MTUS2: variants seen among roughly 807,000 people sequenced by gnomAD.
MTUS2 encodes microtubule associated scaffold protein 2.
In MTUS2, 40 loss-of-function variants were observed where a neutral mutation model predicts 114.1. The ratio of observed to expected loss-of-function variants is 0.35; its 90% CI spans 0.27 to 0.46. The LOEUF is 0.46. Among genes scored for constraint, MTUS2 ranks in the 20% least tolerant of loss-of-function variants. MTUS2 has a pLI of 1.00. For missense variants in MTUS2, 1,679 were observed against 1,705.4 expected, an observed-to-expected ratio of 0.98 and a Z score of 0.27; for synonymous variants, 688 against 672.0, an observed-to-expected ratio of 1.02 and a Z score of -0.37.
intron 5 of MTUS2, among the ~76,000 whole-genome samples, chr13:29,188,346 C>T (rs1894307368): frequency 6.6e-6 from 1 of 152,096 alleles, no homozygotes; most frequent in Non-Finnish European, 1.5e-5. Context: ...GGAAGATATA[C>T]ATCTTGGAGC....
intron 2 of MTUS2, among the ~76,000 whole-genome samples, chr13:28,989,510 G>A (rs957446918): frequency 2.0e-5 from 3 of 152,314 alleles, no homozygotes; most frequent in African/African-American, 4.8e-5. Flanking sequence ...GGAGGAGGTC[G>A]CAGGTTTGAA....
At chr13:29,475,857 GA>G (rs949841472) in intron 9 of MTUS2, among the ~76,000 whole-genome samples, 1 of 152,082 alleles carries the variant, frequency 6.6e-6, no homozygotes, top group African/African-American at 2.4e-5. Context: ...CTTGAGCACA[GA>G]AAAATTTTTT....
chr13:29,099,698 A>G (rs145981390), intron 4 of MTUS2, among the ~76,000 whole-genome samples: 2 of 152,356 alleles, frequency 1.3e-5, no homozygotes, highest in African/African-American at 2.4e-5. Flanking sequence ...ATAGGCACTC[A>G]TGGTAAATAT....
chr13:28,833,317 T>TA (rs1403135972), intron 1 of MTUS2, among the ~76,000 whole-genome samples: 2 of 151,870 alleles, frequency 1.3e-5, no homozygotes, highest in Non-Finnish European at 2.9e-5. Context: ...TGCAAGAAAA[T>TA]ACTACCAAAC....
At chr13:29,015,196 G>A (rs769088812) in intron 2 of MTUS2, among the ~76,000 whole-genome samples, 1 of 152,166 alleles carries the variant, frequency 6.6e-6, no homozygotes, top group African/African-American at 2.4e-5. Context: ...GCCAAAACTC[G>A]CAAAACTGTA....
intron 5 of MTUS2, among the ~76,000 whole-genome samples, chr13:29,209,382 A>G (rs528464474): frequency 6.6e-6 from 1 of 152,106 alleles, no homozygotes; most frequent in South Asian, 2.1e-4. Context: ...CCATTCTTCC[A>G]TTCTGTATCT....
intron 5 of MTUS2, among the ~76,000 whole-genome samples, chr13:29,275,230 A>T (rs944332298): frequency 6.6e-6 from 1 of 151,996 alleles, no homozygotes; most frequent in African/African-American, 2.4e-5. Flanking sequence ...TAATATTTTT[A>T]TTTTTAATTT....
intron 5 of MTUS2, among the ~76,000 whole-genome samples, chr13:29,101,809 A>C (rs1156658068): frequency 3.3e-5 from 5 of 151,890 alleles, no homozygotes; most frequent in African/African-American, 1.2e-4. Flanking sequence ...AATAATTCGA[A>C]AGAGAGAGAG....
At chr13:28,920,404 C>G (rs114273924) in intron 2 of MTUS2, among the ~76,000 whole-genome samples, 213 of 152,274 alleles carry the variant, frequency 1.4e-3, no homozygotes, top group African/African-American at 4.9e-3. Flanking sequence ...CTTACTTTCT[C>G]CCAAACAATC....
At chr13:29,457,433 A>AGATTGACAT (rs1420069102) in intron 9 of MTUS2, among the ~76,000 whole-genome samples, 1 of 152,088 alleles carries the variant, frequency 6.6e-6, no homozygotes, top group African/African-American at 2.4e-5. Flanking sequence ...GCTCCACATA[A>AGATTGACAT]GAGATTAATC....
At chr13:29,343,202 G>A (rs1490017501) in intron 7 of MTUS2, among the ~76,000 whole-genome samples, 3 of 151,716 alleles carry the variant, frequency 2.0e-5, no homozygotes, top group African/African-American at 7.2e-5. Context: ...TTCCCTCTTT[G>A]TCTTTTGAAT....
intron 2 of MTUS2, among the ~76,000 whole-genome samples, chr13:28,992,574 T>G (rs74041690): frequency 1.3e-5 from 2 of 152,132 alleles, no homozygotes; most frequent in Admixed American, 6.5e-5. Context: ...TACTATTGAC[T>G]ATTTCCTTAA....
intron 6 of MTUS2, among the ~76,000 whole-genome samples, chr13:29,306,542 C>G (rs1371227856): frequency 2.0e-5 from 3 of 152,070 alleles, no homozygotes; most frequent in Non-Finnish European, 4.4e-5. Context: ...TTCACAATTA[C>G]TACAAAAAGA....
At chr13:29,492,105 ATG>A (rs1158303434) in intron 11 of MTUS2, among the ~76,000 whole-genome samples, 9 of 110,842 alleles carry the variant, frequency 8.1e-5, no homozygotes, top group African/African-American at 2.9e-4. Flanking sequence ...GTAGGTGTGT[ATG>A]TGTGTGGTGT....
intron 1 of MTUS2, among the ~76,000 whole-genome samples, chr13:28,837,054 G>T (rs1875135014): frequency 6.6e-6 from 1 of 152,156 alleles, no homozygotes; most frequent in South Asian, 2.1e-4. Flanking sequence ...AGTATGTGAA[G>T]CATACCTGAT....
chr13:29,390,008 TA>T, intron 8 of MTUS2, among the ~76,000 whole-genome samples: 1 of 26,940 alleles, frequency 3.7e-5, no homozygotes, highest in African/African-American at 1.1e-4. Context: ...TATGTGTATA[TA>T]TACACATACA....
chr13:29,302,579 C>A (rs1404598942), intron 6 of MTUS2, among the ~76,000 whole-genome samples: 1 of 152,192 alleles, frequency 6.6e-6, no homozygotes, highest in African/African-American at 2.4e-5. Context: ...GGCCCCATTT[C>A]CATGGCACCT....
chr13:29,191,911 T>C (rs1894466834), intron 5 of MTUS2, among the ~76,000 whole-genome samples: 1 of 152,228 alleles, frequency 6.6e-6, no homozygotes, highest in Admixed American at 6.5e-5. Context: ...AATCAGACTT[T>C]GTACAGCACC....
chr13:29,392,144 ACC>A (rs139574576), intron 8 of MTUS2, among the ~76,000 whole-genome samples: 44 of 19,776 alleles, frequency 2.2e-3, no homozygotes, highest in Middle Eastern at 0.045. Flanking sequence ...AAAAAAACAA[ACC>A]AAAAAAAAAA....
Sources: gnomAD v4.1 joint callset for allele counts (sites outside exome capture counted in the v4.1 genomes callset) on GRCh38, gnomAD v4.1.1 for gene constraint, MANE v1.5 for transcripts, NCBI Gene and HGNC (gene_info 2026-07-23, HGNC 2026-07-21) for gene names.